Variants in PNISR observed in about 807,000 individuals in gnomAD.
The protein encoded by PNISR is arginine/serine-rich protein PNISR.
PNISR carries 20 observed loss-of-function variants against 93.4 expected under a neutral mutation model. The observed-to-expected ratio is 0.21, with a 90% CI of 0.15 to 0.31. PNISR has a LOEUF of 0.31. PNISR is among the 10% of genes least tolerant of loss of function. The pLI, the probability that PNISR is intolerant of heterozygous loss-of-function variation, is 1.00. For missense variants in PNISR, 893 were observed against 985.4 expected (o/e 0.91, Z 1.25); for synonymous variants, 305 against 306.5 (o/e 0.99, Z 0.05).
chr6:99,412,244 C>T (rs1777038313), intron 4 of PNISR: 1 of 524,698 alleles, frequency 1.9e-6, no homozygotes. Flanking sequence ...CCAGAGGTTG[C>T]AATAGAGAGA....
intron 5 of PNISR, chr6:99,409,703 T>C (rs552720626): frequency 6.0e-6 from 1 of 167,058 alleles, no homozygotes; most frequent in African/African-American, 2.4e-5. Context: ...AACATCCTAC[T>C]TACAGTGAAC....
In PNISR at chr6:99,401,639, GAA is replaced by G. The variant is rs770619994; in HGVS notation, c.1328-11_1328-10del. The G allele has an allele frequency of 2.0e-6, 3 of 1,508,370 alleles. No homozygotes were observed. In the South Asian group the frequency reaches 4.1e-5, roughly 20 times the overall value. 93.4% of individuals were successfully genotyped at this position (1,508,370 alleles called of 1,614,324 possible). The stretch of plus-strand genomic sequence containing the variant: ...TGTTTGCTGCTTTTCTTCTGAAACA[GAA>G]AAAGACAAAAACACTAAGAAAATGT... On this transcript the variant is annotated splice_polypyrimidine_tract_variant and intron_variant, in intron 11 of 11. Transcript: ENST00000369239.
Position 99,400,258 on chromosome 6 carries a change from T to C in PNISR, c.*282A>G, listed in dbSNP as rs1339203695. 3 of 822,700 alleles carry C rather than the reference T, an allele frequency of 3.6e-6. No homozygotes were observed. The highest frequency in any genetic ancestry group is 4.5e-6 in the Non-Finnish European group (3 of 670,220). The allele number at this position is 822,700 out of a possible 1,614,324, so 51.0% of individuals were successfully genotyped here. The stretch of plus-strand genomic sequence containing the variant: ...CATGGAATTTTTTTAAAGAACATCA[T>C]GGCATTCTTGCCACATCATTCCTCA... On this transcript the variant is annotated 3_prime_UTR_variant, in exon 12 of 12. Coordinates refer to ENST00000369239, the MANE Select transcript of PNISR (RefSeq NM_032870.4).
At chr6:99,415,046 C>G (rs975432608) in intron 2 of PNISR, 1 of 153,194 alleles carries the variant, frequency 6.5e-6, no homozygotes, top group African/African-American at 2.4e-5. Context: ...AAGATAGTAA[C>G]CAAATAGCTT....
chr6:99,402,523 T>G lies in PNISR; in HGVS notation c.1327+17A>C. On this transcript the variant is annotated intron_variant, in intron 11 of 11. Transcript: ENST00000369239. ...TACAAAACTGGACCAAAATTAAGTC[T>G]AAAAGGTATACTACACCTTCCATCT... 2 of 1,542,086 alleles carry G rather than the reference T, an allele frequency of 1.3e-6. No homozygotes were observed.
intron 10 of PNISR, 47 bp from the exon 11 acceptor site, chr6:99,402,757 G>A (rs1281510775): frequency 1.4e-6 from 2 of 1,405,386 alleles, no homozygotes; most frequent in South Asian, 1.6e-5. Context: ...ATTATACTAT[G>A]CACTAAAAAC....
chr6:99,411,773 CCTGA>C (rs1224092867), intron 4 of PNISR: 7 of 156,212 alleles, frequency 4.5e-5, no homozygotes, highest in African/African-American at 1.2e-4. Flanking sequence ...CGCCTCTATG[CCTGA>C]CTAAGTTTTA....
At chr6:99,401,682 A>G in intron 11 of PNISR, 52 bp from the exon 12 acceptor site, 3 of 1,366,996 alleles carry the variant, frequency 2.2e-6, no homozygotes, top group Non-Finnish European at 2.9e-6. Context: ...TAAAATTCTC[A>G]TACTACCAAA....
rs1225678791 is a variant in PNISR at position 99,398,458 on chromosome 6, A to G, written c.*2082T>C. On this transcript the variant is annotated 3_prime_UTR_variant, in exon 12 of 12. Transcript: ENST00000369239. ...TAAAGAATTCTCTAAATCTGCCACT[A>G]AAAGTCTGAAAAACCCAAATATCAA... 6.6e-6 allele frequency: 1 copy of G among 152,160 alleles called. No individual in the cohort carries two copies. The highest frequency in any genetic ancestry group is 1.5e-5 in the Non-Finnish European group (1 of 67,970). The allele number at this position is 152,160 out of a possible 1,614,324, so 9.4% of individuals were successfully genotyped here.
At chr6:99,406,836 T>C (rs1430441526) in intron 7 of PNISR, among the ~76,000 whole-genome samples, 1 of 152,142 alleles carries the variant, frequency 6.6e-6, no homozygotes, top group African/African-American at 2.4e-5. Context: ...CTAGTCACTT[T>C]TAATAATCCC....
At position 99,408,080 on chromosome 6, in the gene PNISR, C is replaced by A; in HGVS notation, c.864+1G>T. 6.3e-7 allele frequency: 1 copy of A among 1,576,810 alleles called. No homozygotes were observed. The highest frequency in any genetic ancestry group is 8.6e-7 in the Non-Finnish European group (1 of 1,165,080). On this transcript the variant is annotated splice_donor_variant, in intron 7 of 11. Transcript: ENST00000369239. LOFTEE classifies it high-confidence loss of function. ...AGTTTCATGTTGGGGATTCTACTTA[C>A]AAATTTACTTCTCTGAGGTAAACGA...
At chr6:99,402,498 T>C (rs755550182) in intron 11 of PNISR, 42 bp downstream of exon 11, 3 of 1,391,350 alleles carry the variant, frequency 2.2e-6, no homozygotes, top group Non-Finnish European at 2.9e-6. Flanking sequence ...TAAAAAGAAA[T>C]ACAAAACTGG....
chr6:99,405,274 G>A (rs1776013366), intron 8 of PNISR, among the ~76,000 whole-genome samples: 1 of 151,956 alleles, frequency 6.6e-6, no homozygotes, highest in South Asian at 2.1e-4. Flanking sequence ...ACACCAGCCT[G>A]AACAACATGG....
In PNISR at chr6:99,400,432, C is replaced by T; in HGVS notation, c.*108G>A. ...AACATTTAAGACTATGATTATTTAT[C>T]AAGTACCAAACTGAGTTTATTAAAG... On this transcript the variant is annotated 3_prime_UTR_variant, in exon 12 of 12. Transcript: ENST00000369239. 1 of 1,399,576 alleles carries T rather than the reference C, an allele frequency of 7.1e-7. No individual in the cohort carries two copies. Among genetic ancestry groups the T allele is most frequent in the Non-Finnish European group, 9.4e-7 (1 of 1,067,320 alleles). The allele number at this position is 1,399,576 out of a possible 1,614,324, so 86.7% of individuals were successfully genotyped here.
At chr6:99,421,090 T>C (rs1014178664) in intron 1 of PNISR, among the ~76,000 whole-genome samples, 1 of 152,252 alleles carries the variant, frequency 6.6e-6, no homozygotes, top group African/African-American at 2.4e-5. Context: ...TTAGACTTAA[T>C]TTTAAAGCTT....
intron 1 of PNISR, among the ~76,000 whole-genome samples, chr6:99,418,013 C>T (rs1777957218): frequency 6.6e-6 from 1 of 151,136 alleles, no homozygotes; most frequent in African/African-American, 2.4e-5. Flanking sequence ...CCCACTTCTG[C>T]TCAACTCCAT....
Position 99,416,329 on chromosome 6 carries a change from C to A in PNISR, c.-32+20G>T, listed in dbSNP as rs369984589. ...AATAGGAAACACCAAGAAGACACAC[C>A]AACTGCTATTTAAACTGACCTCAGA... On this transcript the variant is annotated intron_variant, in intron 2 of 11. Transcript: ENST00000369239. The A allele has an allele frequency of 1.1e-4, 93 of 831,900 alleles. No homozygotes were observed. In the African/African-American group the frequency reaches 1.6e-3, roughly 14 times the overall value. The allele number at this position is 831,900 out of a possible 1,614,324, so 51.5% of individuals were successfully genotyped here. A position where few individuals can be genotyped will look rare whatever the true frequency, so the allele number is the denominator to read the frequency against.
chr6:99,406,541 T>C (rs924561887), intron 7 of PNISR, among the ~76,000 whole-genome samples: 2 of 152,126 alleles, frequency 1.3e-5, no homozygotes, highest in African/African-American at 2.4e-5. Flanking sequence ...AAATGGACCA[T>C]AGACATATTA....
chr6:99,419,152 C>CAAAAAAAAAAAAAAAAAATAAAAAAAAA (rs1778164155), intron 1 of PNISR, among the ~76,000 whole-genome samples: 1 of 19,804 alleles, frequency 5.0e-5, no homozygotes. Flanking sequence ...GACTCCGTCT[C>CAAAAAAAAAAAAAAAAAATAAAAAAAAA]AAAAAAAAAA....
Sources: gnomAD v4.1 joint callset for allele counts (sites outside exome capture counted in the v4.1 genomes callset) on GRCh38, gnomAD v4.1.1 for gene constraint, MANE v1.5 for transcripts, NCBI Gene and HGNC (gene_info 2026-07-23, HGNC 2026-07-21) for gene names.